The following RTF1 variants were observed in gnomAD, a reference collection of about 807,000 sequenced individuals.
RTF1 encodes RTF1 homolog, Paf1/RNA polymerase II complex component, also known as RNA polymerase-associated protein RTF1 homolog.
A neutral mutation model predicts 95.7 loss-of-function variants in RTF1; 10 were observed. The observed-to-expected ratio is 0.10, with a 90% CI of 0.06 to 0.18. The LOEUF (loss-of-function observed/expected upper bound fraction) is 0.18, where lower values mean the gene tolerates loss of function less well. Among genes scored for constraint, RTF1 ranks in the 10% least tolerant of loss-of-function variants. RTF1 has a pLI of 1.00. For missense variants in RTF1, 458 were observed against 875.6 expected, an observed-to-expected ratio of 0.52 and a Z score of 6.02; for synonymous variants, 305 against 311.8, an observed-to-expected ratio of 0.98 and a Z score of 0.23.
rs748571549 is a variant in RTF1 at position 41,482,516 on chromosome 15, C to T, written c.*1829C>T. ...TCTGGGTTTAGTAGAGCCTCAGTGT[C>T]GCTTTAACTTAGTTTACTTTTTTTT... On this transcript the variant is annotated 3_prime_UTR_variant, in exon 18 of 18. Transcript: ENST00000389629. 23 of 152,244 alleles carry T rather than the reference C, an allele frequency of 1.5e-4. No homozygotes were observed. Among genetic ancestry groups the T allele is most frequent in the Middle Eastern group, 3.2e-3 (1 of 316 alleles). The allele number at this position is 152,244 out of a possible 1,614,324, so 9.4% of individuals were successfully genotyped here.
chr15:41,417,771 G>C (rs1412829516), intron 1 of RTF1, among the ~76,000 whole-genome samples: 1 of 152,224 alleles, frequency 6.6e-6, no homozygotes, highest in Non-Finnish European at 1.5e-5. Flanking sequence ...GAAGATGGAA[G>C]TTTTTCGGAC....
Position 41,475,600 on chromosome 15 carries a change from G to C in RTF1, c.1362G>C (p.Lys454Asn). The change falls in exon 10 of 18, where the codon AAG (lysine) becomes AAC (asparagine). Residue 454 changes from lysine to asparagine, a missense_variant. Coordinates refer to ENST00000389629, the MANE Select transcript of RTF1 (RefSeq NM_015138.5). ...AATTCACCGAAAGTGAGTTTATGAA[G>C]TGGAAAGAAGCGGTACGTGGCTAGA... ...NQEFTESEFM[K>N]WKEAMFSAGM... is the part of the protein sequence containing the mutation. 6.2e-7 allele frequency: 1 copy of C among 1,614,070 alleles called. No individual in the cohort carries two copies. The highest frequency in any genetic ancestry group is 1.1e-5 in the South Asian group (1 of 91,076).
chr15:41,467,190 C>T (rs180683144), intron 6 of RTF1, among the ~76,000 whole-genome samples: 1 of 152,284 alleles, frequency 6.6e-6, no homozygotes, highest in Admixed American at 6.5e-5. Context: ...GGAATTATCT[C>T]CAAGCTATAG....
At chr15:41,419,633 TG>T (rs571243928) in intron 1 of RTF1, among the ~76,000 whole-genome samples, 116 of 152,300 alleles carry the variant, frequency 7.6e-4, no homozygotes, top group African/African-American at 2.7e-3. Flanking sequence ...GGGGATTTCT[TG>T]GTAAAGCACT....
At chr15:41,424,032 G>A (rs2050616492) in intron 1 of RTF1, among the ~76,000 whole-genome samples, 1 of 152,184 alleles carries the variant, frequency 6.6e-6, no homozygotes, top group Non-Finnish European at 1.5e-5. Flanking sequence ...GGGATTTCAG[G>A]CATGAGCCAC....
chr15:41,478,440 G>T, intron 14 of RTF1, 108 bp from the exon 15 acceptor site: 1 of 798,940 alleles, frequency 1.3e-6, no homozygotes. Flanking sequence ...AAGGATAATA[G>T]CTTTTTTTTT....
At chr15:41,437,756 G>A (rs1049714435) in intron 1 of RTF1, among the ~76,000 whole-genome samples, 2 of 152,178 alleles carry the variant, frequency 1.3e-5, no homozygotes, top group Admixed American at 1.3e-4. Flanking sequence ...GGTGAATTGG[G>A]AGAATAGGGC....
intron 11 of RTF1, 36 bp from the exon 12 acceptor site, chr15:41,476,410 G>A: frequency 1.9e-6 from 3 of 1,579,098 alleles, no homozygotes; most frequent in Non-Finnish European, 2.6e-6. Flanking sequence ...AATAGCTTAG[G>A]AATACCTCAC....
intron 1 of RTF1, among the ~76,000 whole-genome samples, chr15:41,418,632 G>T (rs1479019020): frequency 6.6e-6 from 1 of 152,168 alleles, no homozygotes; most frequent in East Asian, 1.9e-4. Context: ...CCAACATGGA[G>T]AAACCCCATC....
At chr15:41,445,118 G>A (rs1595431047) in intron 2 of RTF1, among the ~76,000 whole-genome samples, 1 of 151,816 alleles carries the variant, frequency 6.6e-6, no homozygotes, top group African/African-American at 2.4e-5. Flanking sequence ...TGTATTTTTA[G>A]TAGAGACGGG....
chr15:41,463,589 C>A (rs1312454398), intron 4 of RTF1, among the ~76,000 whole-genome samples: 2 of 151,912 alleles, frequency 1.3e-5, no homozygotes, highest in East Asian at 3.9e-4. Context: ...TCAAGCAGTT[C>A]TCCCACCTCA....
intron 2 of RTF1, among the ~76,000 whole-genome samples, chr15:41,448,303 G>T (rs953572451): frequency 6.6e-6 from 1 of 152,060 alleles, no homozygotes; most frequent in African/African-American, 2.4e-5. Flanking sequence ...CTGGCTTCCA[G>T]ATTTTTTAAG....
rs11545204 is a variant in RTF1, at chr15:41,464,847, C to A, written c.739C>A (p.Gln247Lys). The change falls in exon 5 of 18, where the codon CAA (glutamine) becomes AAA (lysine). Residue 247 changes from glutamine (Q) to lysine (K), a missense_variant. Gln to Lys is a moderately conservative substitution (Grantham distance 53). Coordinates refer to ENST00000389629, the MANE Select transcript of RTF1 (RefSeq NM_015138.5). Reference sequence around the variant, plus strand: ...AAAGAAGAAAAAGCAAGAAGAGGAGCAAGAAAAGAAAAAACTGACACAGAT... The same window carrying A: ...AAAGAAGAAAAAGCAAGAAGAGGAGAAAGAAAAGAAAAAACTGACACAGAT... ...KEKKKKQEEE[Q>K]EKKKLTQIQE... The A allele has an allele frequency of 6.5e-7, 1 of 1,538,014 alleles. No homozygotes were observed. Among genetic ancestry groups the A allele is most frequent in the Non-Finnish European group, 8.7e-7 (1 of 1,144,578 alleles).
chr15:41,461,941 A>AG (rs1035137635), intron 4 of RTF1, among the ~76,000 whole-genome samples: 7 of 112,434 alleles, frequency 6.2e-5, no homozygotes, highest in East Asian at 5.1e-4. Flanking sequence ...TTTTTTAGAG[A>AG]GGGGGGGTTT....
rs34660598 is a variant in RTF1, at chr15:41,449,227, A to ATTT, written c.310-3655_310-3653dup. 5.8e-3 allele frequency among the ~76,000 whole-genome samples: 639 copies of ATTT among 109,264 alleles called. 14 individuals carry two copies. The highest frequency in any genetic ancestry group is 7.4e-3 in the African/African-American group (194 of 26,390). 71.7% of individuals were successfully genotyped at this position (109,264 alleles called of 152,430 possible). A position where few individuals can be genotyped will look rare whatever the true frequency, so the allele number is the denominator to read the frequency against. On this transcript the variant is annotated intron_variant, in intron 2 of 17. Transcript: ENST00000389629. ...TTGTCCCTGTTGTGGAGGCAGGTGAATTTTTTTTTTTTTTTTTTTTTGAGA... is the reference window on the plus strand; with the variant it reads ...TTGTCCCTGTTGTGGAGGCAGGTGAATTTTTTTTTTTTTTTTTTTTTTTTGAGA...
chr15:41,430,348 C>T (rs947902526), intron 1 of RTF1, among the ~76,000 whole-genome samples: 1 of 151,680 alleles, frequency 6.6e-6, no homozygotes, highest in Non-Finnish European at 1.5e-5. Context: ...CGCGTGGCAC[C>T]ACACCCAACT....
chr15:41,423,761 T>G (rs1263736309), intron 1 of RTF1, among the ~76,000 whole-genome samples: 1 of 152,038 alleles, frequency 6.6e-6, no homozygotes, highest in East Asian at 1.9e-4. Flanking sequence ...TTTATTTATT[T>G]ATTTATTTTG....
At chr15:41,421,634 G>GAA (rs79713633) in intron 1 of RTF1, among the ~76,000 whole-genome samples, 3 of 69,560 alleles carry the variant, frequency 4.3e-5, no homozygotes, top group Non-Finnish European at 6.0e-5. Flanking sequence ...CTGTCCCAAA[G>GAA]AAAAAAAAAA....
At chr15:41,421,521 C>G (rs147463913) in intron 1 of RTF1, among the ~76,000 whole-genome samples, 15 of 150,578 alleles carry the variant, frequency 1.0e-4, no homozygotes, top group Admixed American at 2.7e-4. Context: ...GTCTCAGCTA[C>G]TTGGGAGTCT....
Sources: allele counts gnomAD v4.1 joint callset (sites outside exome capture counted in the v4.1 genomes callset), GRCh38; gene constraint gnomAD v4.1.1; transcripts MANE v1.5; gene names NCBI Gene and HGNC (gene_info 2026-07-23, HGNC 2026-07-21).